TAF1B: variants seen among roughly 807,000 people sequenced by gnomAD.
TAF1B encodes the protein TATA box-binding protein-associated factor RNA polymerase I subunit B.
In TAF1B, 61 loss-of-function variants were observed where a neutral mutation model predicts 83.9. That is an observed-to-expected ratio of 0.73 (90% confidence interval 0.59 to 0.90). The LOEUF (loss-of-function observed/expected upper bound fraction) is 0.90. TAF1B is among the 40% of genes least tolerant of loss of function. TAF1B has a pLI of 0.00. For missense variants in TAF1B, 625 were observed against 677.0 expected (o/e 0.92, Z 0.85); for synonymous variants, 221 against 224.6 (o/e 0.98, Z 0.14).
At chr2:9,876,816 C>T (rs977762342) in intron 7 of TAF1B, among the ~76,000 whole-genome samples, 1 of 152,122 alleles carries the variant, frequency 6.6e-6, no homozygotes, top group South Asian at 2.1e-4. Flanking sequence ...ATAATAACTA[C>T]CTCATAGGGT....
chr2:9,865,502 AT>A (rs1663940969), intron 5 of TAF1B, among the ~76,000 whole-genome samples: 1 of 152,184 alleles, frequency 6.6e-6, no homozygotes, highest in African/African-American at 2.4e-5. Flanking sequence ...TATCGTGAAA[AT>A]GGCCATACTG....
intron 11 of TAF1B, 148 bp from the exon 12 acceptor site, chr2:9,913,011 A>T (rs767404533): frequency 2.1e-4 from 118 of 561,600 alleles, no homozygotes; most frequent in Admixed American, 3.5e-5. Flanking sequence ...TACTGCATTC[A>T]GTTCTGTTGT....
At chr2:9,857,248 A>T (rs1332623668) in intron 5 of TAF1B, among the ~76,000 whole-genome samples, 1 of 152,232 alleles carries the variant, frequency 6.6e-6, no homozygotes, top group Non-Finnish European at 1.5e-5. Flanking sequence ...AAGTCCGTAG[A>T]TGCTTCCTAT....
chr2:9,922,304 G>A (rs1207563714), intron 14 of TAF1B, among the ~76,000 whole-genome samples: 2 of 152,066 alleles, frequency 1.3e-5, no homozygotes, highest in African/African-American at 2.4e-5. Flanking sequence ...GAGCCAACAC[G>A]GCCCTCTTGA....
chr2:9,911,456 A>G (rs1269951417), intron 10 of TAF1B, 55 bp from the exon 11 acceptor site: 2 of 1,354,052 alleles, frequency 1.5e-6, no homozygotes, highest in Admixed American at 2.5e-5. Flanking sequence ...TTCAGAATTT[A>G]TCTTTCCAAA....
In TAF1B at chr2:9,910,743, G is replaced by A. The variant is rs375153400; in HGVS notation, c.963G>A (p.Met321Ile). ...TACTGTTTTGTTCTTCAGATGAAAT[G>A]CATAGCTTAACTTGCCACGTGGTAA... The part of the protein sequence containing the change: ...YLMEVNLPDE[M>I]HSLTCHVVKM... The change falls in exon 10 of 15, where the codon ATG becomes ATA. Residue 321 changes from methionine to isoleucine, a missense_variant. Coordinates refer to ENST00000263663, the MANE Select transcript of TAF1B (RefSeq NM_005680.3). 1.6e-5 allele frequency: 25 copies of A among 1,610,156 alleles called. No individual in the cohort carries two copies. Among genetic ancestry groups the A allele is most frequent in the Non-Finnish European group, 1.9e-5 (22 of 1,177,686 alleles).
chr2:9,857,899 AC>A (rs1663616555), intron 5 of TAF1B, among the ~76,000 whole-genome samples: 1 of 152,190 alleles, frequency 6.6e-6, no homozygotes, highest in Admixed American at 6.5e-5. Context: ...TGTGGGGATT[AC>A]AATTCGAGAT....
chr2:9,855,614 G>T (rs1430214170), intron 5 of TAF1B, among the ~76,000 whole-genome samples: 3 of 152,074 alleles, frequency 2.0e-5, no homozygotes, highest in Non-Finnish European at 4.4e-5. Flanking sequence ...AGCTTAGGAG[G>T]TTGAGGCTGC....
intron 12 of TAF1B, among the ~76,000 whole-genome samples, chr2:9,915,859 C>T (rs547832845): frequency 6.6e-6 from 1 of 152,354 alleles, no homozygotes; most frequent in African/African-American, 2.4e-5. Context: ...CAACTGGTGA[C>T]TAGCTAAACT....
chr2:9,893,488 A>G (rs1328109149), intron 8 of TAF1B, among the ~76,000 whole-genome samples: 3 of 152,234 alleles, frequency 2.0e-5, no homozygotes, highest in Non-Finnish European at 4.4e-5. Context: ...TGCAGCTGCA[A>G]GCAACGTGAA....
intron 12 of TAF1B, among the ~76,000 whole-genome samples, chr2:9,918,084 A>G (rs895785163): frequency 1.3e-5 from 2 of 152,108 alleles, no homozygotes; most frequent in Admixed American, 1.3e-4. Flanking sequence ...AAAAAAAAAA[A>G]GAAAATGGTG....
chr2:9,844,821 A>T (rs1358236274), intron 1 of TAF1B, among the ~76,000 whole-genome samples: 1 of 152,090 alleles, frequency 6.6e-6, no homozygotes, highest in Non-Finnish European at 1.5e-5. Flanking sequence ...ACCATTACAA[A>T]TCTAGTTCCT....
chr2:9,916,269 A>G (rs558894853), intron 12 of TAF1B, among the ~76,000 whole-genome samples: 1 of 152,364 alleles, frequency 6.6e-6, no homozygotes, highest in East Asian at 1.9e-4. Context: ...AGAGAAATAT[A>G]TAGATAACAT....
intron 14 of TAF1B, among the ~76,000 whole-genome samples, chr2:9,922,219 A>G (rs1665899217): frequency 6.6e-6 from 1 of 152,206 alleles, no homozygotes; most frequent in African/African-American, 2.4e-5. Context: ...TGTGGGGATA[A>G]TACTGATCTT....
chr2:9,845,108 A>AT lies in TAF1B; in HGVS notation c.19-106dup, dbSNP rs1663161539. Reference sequence around the variant, plus strand: ...TCTGACATATTTTTTATTGTCTATGATTTTTTATTAATAAAGTTGCCAGGA... The same window carrying AT: ...TCTGACATATTTTTTATTGTCTATGATTTTTTTATTAATAAAGTTGCCAGGA... On this transcript the variant is annotated intron_variant, in intron 1 of 14. Coordinates refer to ENST00000263663, the MANE Select transcript of TAF1B (RefSeq NM_005680.3). 6.1e-6 allele frequency: 4 copies of AT among 654,588 alleles called. No individual in the cohort carries two copies. In the East Asian group the frequency reaches 8.8e-5, roughly 14 times the overall value. The allele number at this position is 654,588 out of a possible 1,614,324, so 40.5% of individuals were successfully genotyped here.
intron 7 of TAF1B, among the ~76,000 whole-genome samples, chr2:9,878,398 T>C (rs1449555740): frequency 2.0e-5 from 3 of 152,126 alleles, no homozygotes. Context: ...CAGAGGATTC[T>C]TATGGATGGC....
intron 8 of TAF1B, among the ~76,000 whole-genome samples, chr2:9,888,737 C>T (rs893143188): frequency 6.8e-6 from 1 of 146,218 alleles, no homozygotes; most frequent in African/African-American, 2.6e-5. Flanking sequence ...TGGATCTCAC[C>T]AATTGGATTA....
intron 8 of TAF1B, among the ~76,000 whole-genome samples, chr2:9,898,458 A>G (rs1309988344): frequency 1.3e-5 from 2 of 152,194 alleles, no homozygotes; most frequent in Non-Finnish European, 2.9e-5. Context: ...TATAAAACAA[A>G]ATGCTGTTAT....
chr2:9,866,740 G>A (rs1174338115), intron 5 of TAF1B, among the ~76,000 whole-genome samples: 2 of 152,156 alleles, frequency 1.3e-5, no homozygotes, highest in African/African-American at 4.8e-5. Context: ...TACACACCAT[G>A]GAATACTATG....
Sources: allele counts gnomAD v4.1 joint callset (sites outside exome capture counted in the v4.1 genomes callset), GRCh38; gene constraint gnomAD v4.1.1; transcripts MANE v1.5; gene names NCBI Gene and HGNC (gene_info 2026-07-23, HGNC 2026-07-21).